KSR2: variants seen among roughly 807,000 people sequenced by gnomAD.
KSR2 encodes the protein kinase suppressor of ras 2.
In KSR2, 25 loss-of-function variants were observed where a neutral mutation model predicts 107.8. The observed-to-expected ratio is 0.23, with a 90% CI of 0.17 to 0.32. The LOEUF (loss-of-function observed/expected upper bound fraction) is 0.32. Among genes scored for constraint, KSR2 ranks in the 10% least tolerant of loss-of-function variants. KSR2 has a pLI of 1.00. For missense variants in KSR2, 887 were observed against 1,268.9 expected (o/e 0.70, Z 4.57); for synonymous variants, 480 against 507.0 (o/e 0.95, Z 0.71).
At chr12:117,727,525 G>A (rs1344430038) in intron 4 of KSR2, among the ~76,000 whole-genome samples, 1 of 151,670 alleles carries the variant, frequency 6.6e-6, no homozygotes, top group Non-Finnish European at 1.5e-5. Flanking sequence ...AGGAGGAGGA[G>A]GAAAGGAGGA....
intron 3 of KSR2, among the ~76,000 whole-genome samples, chr12:117,822,078 C>T (rs544167042): frequency 2.0e-5 from 3 of 152,298 alleles, no homozygotes; most frequent in African/African-American, 4.8e-5. Context: ...CACTGCTACA[C>T]TCCCATTAGC....
rs1164649816 is a variant in KSR2 at position 117,794,054 on chromosome 12, G to A, written c.473-32530C>T. ...CATGCACACACCAACATGCACACTC[G>A]TACCAACATGCACACATACACCAAC... On this transcript the variant is annotated intron_variant, in intron 3 of 19. Coordinates refer to ENST00000339824, the MANE Select transcript of KSR2 (RefSeq NM_173598.6). Among the ~76,000 whole-genome samples the A allele has an allele frequency of 3.7e-3, 171 of 46,104 alleles. 13 individuals are homozygous for A. Among genetic ancestry groups the A allele is most frequent in the African/African-American group, 0.016 (143 of 9,130 alleles). The allele number at this position is 46,104 out of a possible 152,430, so 30.2% of individuals were successfully genotyped here.
In KSR2 at chr12:117,460,737, C is replaced by G. The variant is rs1369944330; in HGVS notation, c.*6462G>C. On this transcript the variant is annotated 3_prime_UTR_variant, in exon 20 of 20. Transcript: ENST00000339824. ...AGGTGGGTTCCTGGGAATGGATGAG[C>G]CCAAAGACTCGTTTTTAAAATGCTG... The G allele has an allele frequency of 6.6e-6, 1 of 152,162 alleles. No homozygotes were observed. The highest frequency in any genetic ancestry group is 2.4e-5 in the African/African-American group (1 of 41,408). The allele number at this position is 152,162 out of a possible 1,614,324, so 9.4% of individuals were successfully genotyped here.
At chr12:117,567,057 C>T (rs915527562) in intron 7 of KSR2, among the ~76,000 whole-genome samples, 3 of 152,208 alleles carry the variant, frequency 2.0e-5, no homozygotes, top group African/African-American at 7.2e-5. Context: ...GAGGTTTAAA[C>T]AGTGAACCGT....
intron 14 of KSR2, among the ~76,000 whole-genome samples, chr12:117,500,342 C>T (rs752300527): frequency 1.3e-5 from 2 of 152,190 alleles, no homozygotes; most frequent in African/African-American, 2.4e-5. Flanking sequence ...AGACACAGAG[C>T]TATGCTGCCT....
At chr12:117,489,202 G>T (rs367592874) in intron 14 of KSR2, among the ~76,000 whole-genome samples, 18 of 152,042 alleles carry the variant, frequency 1.2e-4, no homozygotes, top group East Asian at 5.8e-4. Flanking sequence ...TTATTAGGGG[G>T]CTGGGGGAAG....
intron 5 of KSR2, among the ~76,000 whole-genome samples, chr12:117,611,138 G>A (rs561108818): frequency 1.3e-5 from 2 of 152,236 alleles, no homozygotes; most frequent in East Asian, 3.9e-4. Context: ...TAATGACAAT[G>A]ACTTAAAAAT....
intron 8 of KSR2, among the ~76,000 whole-genome samples, chr12:117,557,744 T>A (rs150897474): frequency 2.0e-5 from 3 of 152,352 alleles, no homozygotes; most frequent in African/African-American, 7.2e-5. Flanking sequence ...GTAGCTACTG[T>A]ATTGGGGAGC....
At chr12:117,557,327 G>A (rs536524627) in intron 8 of KSR2, among the ~76,000 whole-genome samples, 3 of 152,246 alleles carry the variant, frequency 2.0e-5, no homozygotes, top group Admixed American at 6.5e-5. Context: ...CCCACAGCCC[G>A]CTCTGGCCAA....
chr12:117,787,997 A>G (rs1001826302), intron 3 of KSR2, among the ~76,000 whole-genome samples: 7 of 152,240 alleles, frequency 4.6e-5, no homozygotes, highest in Non-Finnish European at 1.0e-4. Context: ...CACTAGCTAA[A>G]AAAGTCAGAC....
chr12:117,606,601 C>CT (rs368704933), intron 5 of KSR2, among the ~76,000 whole-genome samples: 19,418 of 33,294 alleles, frequency 0.58, 5,017 homozygotes, highest in East Asian at 0.7. Context: ...TCCTTCTTTC[C>CT]TCCTTCCTTC....
intron 9 of KSR2, among the ~76,000 whole-genome samples, chr12:117,542,807 T>C (rs1876600506): frequency 6.6e-6 from 1 of 152,248 alleles, no homozygotes; most frequent in African/African-American, 2.4e-5. Context: ...TCTCTGTTTC[T>C]ATAATTTTAT....
At chr12:117,532,688 T>C (rs898246431) in intron 10 of KSR2, among the ~76,000 whole-genome samples, 5 of 152,182 alleles carry the variant, frequency 3.3e-5, no homozygotes, top group Non-Finnish European at 7.3e-5. Context: ...ACTTCTAATC[T>C]ACTCGCCAGA....
At chr12:117,597,429 A>G (rs573736370) in intron 5 of KSR2, among the ~76,000 whole-genome samples, 53 of 152,330 alleles carry the variant, frequency 3.5e-4, no homozygotes, top group African/African-American at 1.3e-3. Context: ...GGTGAGCCTG[A>G]GATATAATTA....
chr12:117,495,309 A>G (rs2137163975), intron 14 of KSR2, among the ~76,000 whole-genome samples: 1 of 152,248 alleles, frequency 6.6e-6, no homozygotes, highest in Admixed American at 6.5e-5. Context: ...GCAATCTCTA[A>G]CTTCCAAGTT....
At chr12:117,769,893 A>C (rs1889374609) in intron 3 of KSR2, among the ~76,000 whole-genome samples, 1 of 152,072 alleles carries the variant, frequency 6.6e-6, no homozygotes, top group African/African-American at 2.4e-5. Context: ...ATCTCTACTA[A>C]AAATACAAAA....
At chr12:117,604,715 A>G (rs1294669103) in intron 5 of KSR2, among the ~76,000 whole-genome samples, 2 of 152,128 alleles carry the variant, frequency 1.3e-5, no homozygotes, top group East Asian at 1.9e-4. Flanking sequence ...TCTTTTATAT[A>G]ATATATAAAA....
rs946710694 is a variant in KSR2, at chr12:117,901,737, G to A, written c.181-41306C>T. Reference sequence around the variant, plus strand: ...CTTACATTACCATGCAATAAGAACCGTCATTTCCAGTCAGCCCATTATTCC... The same window carrying A: ...CTTACATTACCATGCAATAAGAACCATCATTTCCAGTCAGCCCATTATTCC... On this transcript the variant is annotated intron_variant, in intron 1 of 19. Coordinates refer to ENST00000339824, the MANE Select transcript of KSR2 (RefSeq NM_173598.6). Among the ~76,000 whole-genome samples the A allele has an allele frequency of 4.6e-5, 7 of 152,264 alleles. No homozygotes were observed. The South Asian group carries it at 6.2e-4, about 14-fold the overall frequency.
At chr12:117,639,658 A>T (rs943484890) in intron 5 of KSR2, among the ~76,000 whole-genome samples, 2 of 102,858 alleles carry the variant, frequency 1.9e-5, no homozygotes, top group African/African-American at 6.3e-5. Context: ...TATTATTATT[A>T]TATTATTTTA....
Sources: gnomAD v4.1 joint callset for allele counts (sites outside exome capture counted in the v4.1 genomes callset) on GRCh38, gnomAD v4.1.1 for gene constraint, MANE v1.5 for transcripts, NCBI Gene and HGNC (gene_info 2026-07-23, HGNC 2026-07-21) for gene names.